RNF20: variants seen among roughly 807,000 people sequenced by gnomAD.
RNF20 encodes the protein ring finger protein 20.
RNF20 carries 84 observed loss-of-function variants against 126.2 expected under a neutral mutation model. The ratio of observed to expected loss-of-function variants is 0.67; its 90% CI spans 0.56 to 0.80. The LOEUF (loss-of-function observed/expected upper bound fraction) is 0.80, where lower values mean the gene tolerates loss of function less well. RNF20 is among the 30% of genes least tolerant of loss of function. RNF20 has a pLI of 0.00. For synonymous variants in RNF20, 400 were observed against 414.3 expected, an observed-to-expected ratio of 0.97 and a Z score of 0.42; for missense variants, 869 against 1,188.2, an observed-to-expected ratio of 0.73 and a Z score of 3.95.
At position 101,561,080 on chromosome 9, in the gene RNF20, T is replaced by C; in HGVS notation, c.2509-10T>C. On this transcript the variant is annotated splice_polypyrimidine_tract_variant and intron_variant, in intron 17 of 19. Coordinates refer to ENST00000389120, the MANE Select transcript of RNF20 (RefSeq NM_019592.7). ...TACAATGGTGTCACTTATTTGTACA[T>C]CCTACATAGGCAATGGAGGCAGCCC... 1.2e-6 allele frequency: 2 copies of C among 1,613,206 alleles called. No individual in the cohort carries two copies. The highest frequency in any genetic ancestry group is 1.7e-6 in the Non-Finnish European group (2 of 1,179,584).
chr9:101,560,904 C>T lies in RNF20; in HGVS notation c.2486C>T (p.Ala829Val), dbSNP rs1253372046. 1 of 1,611,664 alleles carries T rather than the reference C, an allele frequency of 6.2e-7. No homozygotes were observed. The highest frequency in any genetic ancestry group is 1.3e-5 in the African/African-American group (1 of 74,718). The change falls in exon 17 of 20, where the codon GCC becomes GTC. Residue 829 changes from alanine to valine, a missense_variant. Around this residue, in one of 8 missense-constraint regions of RNF20, gnomAD observed 150 missense variants for 173.7 expected, o/e 0.86. Transcript: ENST00000389120. ...GEKELGLRTQ[A>V]LEMNKRKAME... ...AAAGAGCTGGGTCTTAGGACCCAAG[C>T]CTTAGAGATGAATAAACGCAAGGTA... is the stretch of plus-strand genomic sequence containing the variant.
intron 9 of RNF20, among the ~76,000 whole-genome samples, chr9:101,549,671 C>T (rs568017333): frequency 3.9e-5 from 6 of 152,226 alleles, no homozygotes; most frequent in East Asian, 3.9e-4. Flanking sequence ...TGGTAACGGG[C>T]GTCTTCCCAG....
Position 101,561,978 on chromosome 9 carries a change from T to C in RNF20, c.2718T>C (p.Asp906=), listed in dbSNP as rs144261845. Residue 906 remains aspartate (D), a synonymous_variant, in exon 19 of 20, where the codon GAT becomes GAC. Coordinates refer to ENST00000389120, the MANE Select transcript of RNF20 (RefSeq NM_019592.7). ...TKKPDNVPKC[D]EILMEEIKDY... ...AACCAGACAATGTACCCAAGTGTGA[T>C]GAGATTCTGATGGAAGAGATTAAGG... 113 of 1,611,742 alleles carry C rather than the reference T, an allele frequency of 7.0e-5. 1 individual carries two copies. The African/African-American group carries it at 1.4e-3, about 20-fold the overall frequency.
chr9:101,549,868 T>C (rs1051077733), intron 9 of RNF20, among the ~76,000 whole-genome samples: 1 of 152,252 alleles, frequency 6.6e-6, no homozygotes, highest in African/African-American at 2.4e-5. Flanking sequence ...TAAAGAGTAA[T>C]TGCTACAAAC....
chr9:101,552,874 T>G, intron 13 of RNF20, 121 bp downstream of exon 13: 1 of 1,054,646 alleles, frequency 9.5e-7, no homozygotes, highest in Non-Finnish European at 1.3e-6. Context: ...ATTGTACAAT[T>G]AATTTGGTTT....
At chr9:101,541,150 C>A (rs1377873926) in intron 5 of RNF20, among the ~76,000 whole-genome samples, 175 bp downstream of exon 5, 2 of 152,148 alleles carry the variant, frequency 1.3e-5, no homozygotes, top group Non-Finnish European at 2.9e-5. Context: ...ACCATCATAG[C>A]CCATTGAATC....
At chr9:101,539,805 T>C (rs929654055) in intron 2 of RNF20, among the ~76,000 whole-genome samples, 7 of 152,208 alleles carry the variant, frequency 4.6e-5, no homozygotes, top group African/African-American at 7.2e-5. Flanking sequence ...TCACCAGATA[T>C]ATTGGCAGGA....
intron 10 of RNF20, among the ~76,000 whole-genome samples, chr9:101,551,172 A>G (rs1235898367): frequency 1.3e-5 from 2 of 152,216 alleles, no homozygotes; most frequent in Non-Finnish European, 2.9e-5. Context: ...AATTCCCGGC[A>G]TGAGAACAGC....
chr9:101,553,928 C>A, intron 13 of RNF20, 60 bp from the exon 14 acceptor site: 1 of 911,822 alleles, frequency 1.1e-6, no homozygotes. Context: ...AATTCCCTTG[C>A]TCTGATGACC....
At position 101,540,339 on chromosome 9, in the gene RNF20, C is replaced by G. The variant is rs1827240254; in HGVS notation, c.266C>G (p.Ser89Ter). 1 of 1,614,056 alleles carries G rather than the reference C, an allele frequency of 6.2e-7. No homozygotes were observed. The highest frequency in any genetic ancestry group is 8.5e-7 in the Non-Finnish European group (1 of 1,180,036). ...LERRQATDDASLLIVNRYWSQ... is the reference protein window; with the variant it reads ...LERRQATDDA ...CGACGACAGGCCACTGATGATGCCT[C>G]ACTATTGATTGTCAACCGATACTGG... The change falls in exon 3 of 20, where the codon TCA becomes TGA. Residue 89 changes from serine (S) to a stop codon, truncating the protein, a stop_gained. Transcript: ENST00000389120. LOFTEE classifies it high-confidence loss of function.
intron 2 of RNF20, among the ~76,000 whole-genome samples, chr9:101,537,775 A>C (rs924314376): frequency 6.6e-6 from 1 of 152,220 alleles, no homozygotes; most frequent in Non-Finnish European, 1.5e-5. Context: ...GTTCTCATTC[A>C]GGTTTCAGTT....
rs753306889 is a variant in RNF20 at position 101,541,002 on chromosome 9, G to A, written c.628+27G>A. On this transcript the variant is annotated intron_variant, in intron 5 of 19. Transcript: ENST00000389120. Reference sequence around the variant, plus strand: ...TGAGGCAAGACCCTGGAGGCCGGGAGTAGTGGAGGAGGAATAAGAATTCAT... The same window carrying A: ...TGAGGCAAGACCCTGGAGGCCGGGAATAGTGGAGGAGGAATAAGAATTCAT... 8.0e-5 allele frequency: 127 copies of A among 1,585,640 alleles called. No individual in the cohort carries two copies. In the Admixed American group the frequency reaches 1.0e-3, roughly 13 times the overall value.
chr9:101,559,649 AT>A (rs1827595343), intron 16 of RNF20, among the ~76,000 whole-genome samples: 1 of 151,048 alleles, frequency 6.6e-6, no homozygotes. Context: ...ATTTTATTTT[AT>A]TTTTTTTGCA....
chr9:101,548,349 G>A (rs1194037931), intron 9 of RNF20, among the ~76,000 whole-genome samples: 1 of 152,180 alleles, frequency 6.6e-6, no homozygotes, highest in Admixed American at 6.5e-5. Flanking sequence ...AGATGTTGGG[G>A]AAAAGGTACA....
rs146790041 is a variant in RNF20, at chr9:101,540,892, G to A, written c.545G>A (p.Arg182His). The A allele has an allele frequency of 2.0e-5, 32 of 1,613,752 alleles. No individual in the cohort carries two copies. Among genetic ancestry groups the A allele is most frequent in the African/African-American group, 9.4e-5 (7 of 74,802 alleles). The change falls in exon 5 of 20, where the codon CGC (arginine) becomes CAC (histidine). Residue 182 changes from arginine to histidine, a missense_variant. Arg to His is a conservative substitution (Grantham distance 29, BLOSUM62 0). This residue lies in a region of RNF20 where 157 missense variants were observed against 236.0 expected (regional missense o/e 0.67). Coordinates refer to ENST00000389120, the MANE Select transcript of RNF20 (RefSeq NM_019592.7). ...CTGCAGGAACGTGTGGAGTCTTCCC[G>A]CCGAGCCGTGTCCCAGATTGTGACT... The part of the protein sequence containing the change: ...SQLQERVESS[R>H]RAVSQIVTVY...
chr9:101,549,870 G>T (rs1477906801), intron 9 of RNF20, among the ~76,000 whole-genome samples: 1 of 152,176 alleles, frequency 6.6e-6, no homozygotes, highest in Non-Finnish European at 1.5e-5. Context: ...AAGAGTAATT[G>T]CTACAAACTG....
At chr9:101,557,267 ACT>A in intron 15 of RNF20, 115 bp from the exon 16 acceptor site, 1 of 721,386 alleles carries the variant, frequency 1.4e-6, no homozygotes, top group Non-Finnish European at 2.3e-6. Context: ...ACTTCTTAAA[ACT>A]CTGTCACTAA....
chr9:101,542,760 T>C (rs1588217781), intron 5 of RNF20, among the ~76,000 whole-genome samples: 1 of 152,328 alleles, frequency 6.6e-6, no homozygotes, highest in Non-Finnish European at 1.5e-5. Flanking sequence ...GGGAATAAAA[T>C]GAGTAGTATA....
intron 5 of RNF20, among the ~76,000 whole-genome samples, chr9:101,542,048 A>G (rs190271276): frequency 6.6e-6 from 1 of 152,216 alleles, no homozygotes; most frequent in Non-Finnish European, 1.5e-5. Flanking sequence ...TATCATTAAG[A>G]TGTTTAACCT....
Sources: allele counts gnomAD v4.1 joint callset (sites outside exome capture counted in the v4.1 genomes callset), GRCh38; gene constraint gnomAD v4.1.1; regional missense constraint gnomAD v4.1.1; transcripts MANE v1.5; gene names NCBI Gene and HGNC (gene_info 2026-07-23, HGNC 2026-07-21).